RBMS3: variants seen among roughly 807,000 people sequenced by gnomAD.
RBMS3 encodes RNA binding motif single stranded interacting protein 3.
In RBMS3, 27 loss-of-function variants were observed where a neutral mutation model predicts 66.8. That is an observed-to-expected ratio of 0.40 (90% CI 0.30 to 0.56). The LOEUF (loss-of-function observed/expected upper bound fraction) is 0.56. RBMS3 is among the 20% of genes least tolerant of loss of function. The pLI is 0.40. For synonymous variants in RBMS3, 188 were observed against 183.0 expected (o/e 1.03, Z -0.22); for missense variants, 513 against 549.5 (o/e 0.93, Z 0.66).
rs988035686 is a variant in RBMS3, at chr3:29,424,389, T to C, written c.76-10354T>C. On this transcript the variant is annotated intron_variant, in intron 1 of 14. Transcript: ENST00000383767. ...TATTAAGTCACTGTAGAATTAGATA[T>C]AGGAGTACAGCCCAGGCGTTTCAGA... Among the ~76,000 whole-genome samples, 10 of 152,304 alleles carry C rather than the reference T, an allele frequency of 6.6e-5. No homozygotes were observed. In the East Asian group the frequency reaches 1.7e-3, roughly 26 times the overall value.
rs562929527 is a variant in RBMS3, at chr3:29,513,162, A to G, written c.307+24663A>G. ...CGGATTTTTATGTAACTTGTTAGAG[A>G]GCAGTCTGAACCTTAGAAAGGTGTT... On this transcript the variant is annotated intron_variant, in intron 3 of 14. Coordinates refer to ENST00000383767, the MANE Select transcript of RBMS3 (RefSeq NM_001003793.3). 2.0e-5 allele frequency among the ~76,000 whole-genome samples: 3 copies of G among 152,314 alleles called. No homozygotes were observed. In the South Asian group the frequency reaches 6.2e-4, roughly 32 times the overall value.
intron 4 of RBMS3, among the ~76,000 whole-genome samples, chr3:29,704,846 G>A (rs1193350315): frequency 6.6e-6 from 1 of 152,194 alleles, no homozygotes; most frequent in African/African-American, 2.4e-5. Context: ...AAAGTTGGTA[G>A]GGTTTACCCA....
chr3:29,340,766 T>G (rs1193129906), intron 1 of RBMS3, among the ~76,000 whole-genome samples: 1 of 152,180 alleles, frequency 6.6e-6, no homozygotes, highest in Non-Finnish European at 1.5e-5. Flanking sequence ...GCTTTTTCAG[T>G]TTGACAAGAT....
intron 1 of RBMS3, among the ~76,000 whole-genome samples, chr3:29,334,194 A>G (rs986569388): frequency 1.3e-5 from 2 of 152,172 alleles, no homozygotes. Context: ...TAGTTGTTGC[A>G]TTAGCCTTTT....
chr3:29,541,888 G>C (rs2045777387), intron 3 of RBMS3, among the ~76,000 whole-genome samples: 1 of 151,934 alleles, frequency 6.6e-6, no homozygotes, highest in Non-Finnish European at 1.5e-5. Context: ...TGGTGTACAT[G>C]CTTGCTCCTT....
intron 1 of RBMS3, among the ~76,000 whole-genome samples, chr3:29,371,287 A>G (rs992532480): frequency 5.3e-5 from 8 of 152,260 alleles, no homozygotes; most frequent in African/African-American, 1.7e-4. Context: ...GTACAAGCCA[A>G]TAAGTTTGAA....
chr3:29,970,109 A>G (rs1697126080), intron 12 of RBMS3, among the ~76,000 whole-genome samples: 1 of 152,184 alleles, frequency 6.6e-6, no homozygotes, highest in Non-Finnish European at 1.5e-5. Flanking sequence ...ATTGGTTTTC[A>G]GTAAAAATTG....
intron 6 of RBMS3, among the ~76,000 whole-genome samples, chr3:29,859,772 T>C (rs1348772645): frequency 6.6e-6 from 1 of 152,230 alleles, no homozygotes; most frequent in East Asian, 1.9e-4. Flanking sequence ...AATATAATAA[T>C]TCTGTGTTGT....
chr3:29,641,505 T>C (rs1287508333), intron 4 of RBMS3, among the ~76,000 whole-genome samples: 1 of 152,114 alleles, frequency 6.6e-6, no homozygotes, highest in Non-Finnish European at 1.5e-5. Flanking sequence ...AATGTACTGC[T>C]AAATTGCCTT....
At chr3:29,925,273 C>T (rs571713952) in intron 10 of RBMS3, 11 of 152,218 alleles carry the variant, frequency 7.2e-5, no homozygotes, top group East Asian at 5.8e-4. Flanking sequence ...CAAAATATTT[C>T]GCTGCTGTCT....
intron 3 of RBMS3, among the ~76,000 whole-genome samples, chr3:29,544,892 A>G (rs1285606475): frequency 6.6e-6 from 1 of 152,178 alleles, no homozygotes; most frequent in Admixed American, 6.5e-5. Context: ...TATATATGCT[A>G]ATAAAGGTGT....
At chr3:29,404,350 G>A (rs2039928269) in intron 1 of RBMS3, among the ~76,000 whole-genome samples, 1 of 152,036 alleles carries the variant, frequency 6.6e-6, no homozygotes, top group Admixed American at 6.6e-5. Flanking sequence ...AAAATGAAGT[G>A]AGAACATATT....
chr3:29,645,871 T>C lies in RBMS3; in HGVS notation c.399+58666T>C, dbSNP rs137897097. ...TGAATTACCACTGGGTCACTGGCCT[T>C]TATCACCCACCCATATAGATAGCCT... is the stretch of plus-strand genomic sequence containing the variant. On this transcript the variant is annotated intron_variant, in intron 4 of 14. Transcript: ENST00000383767. Among the ~76,000 whole-genome samples the C allele has an allele frequency of 9.8e-5, 15 of 152,338 alleles. 1 individual carries two copies. The highest frequency in any genetic ancestry group is 3.4e-4 in the African/African-American group (14 of 41,586).
At chr3:29,743,161 C>T (rs565604544) in intron 5 of RBMS3, among the ~76,000 whole-genome samples, 31 of 152,238 alleles carry the variant, frequency 2.0e-4, no homozygotes, top group Middle Eastern at 3.4e-3. Context: ...TTCCTACTTC[C>T]CTATAACATT....
intron 6 of RBMS3, among the ~76,000 whole-genome samples, chr3:29,773,052 G>A (rs1037305807): frequency 6.6e-6 from 1 of 151,892 alleles, no homozygotes; most frequent in Non-Finnish European, 1.5e-5. Flanking sequence ...TGTATCTCTT[G>A]GGTCTCAACC....
chr3:29,628,813 G>A (rs115284820), intron 4 of RBMS3, among the ~76,000 whole-genome samples: 143 of 152,170 alleles, frequency 9.4e-4, no homozygotes, highest in African/African-American at 2.8e-3. Context: ...CTCATAAAAA[G>A]GAAAGCATAA....
chr3:29,482,705 T>TTTTTC (rs1336745405), intron 2 of RBMS3, among the ~76,000 whole-genome samples: 51 of 96,186 alleles, frequency 5.3e-4, no homozygotes, highest in African/African-American at 2.9e-3. Context: ...TTCTTTCTTT[T>TTTTTC]TTTTTTTTTT....
intron 8 of RBMS3, 43 bp downstream of exon 8, chr3:29,884,251 T>C: frequency 6.6e-7 from 1 of 1,526,078 alleles, no homozygotes; most frequent in Non-Finnish European, 9.0e-7. Flanking sequence ...TGAATAGATC[T>C]TTGAGCTCTG....
intron 12 of RBMS3, among the ~76,000 whole-genome samples, chr3:29,953,878 C>A (rs574701269): frequency 1.3e-5 from 2 of 151,828 alleles, no homozygotes; most frequent in Non-Finnish European, 2.9e-5. Flanking sequence ...AGATCAGTAC[C>A]ACATTTTATC....
Sources: allele counts gnomAD v4.1 joint callset (sites outside exome capture counted in the v4.1 genomes callset), GRCh38; gene constraint gnomAD v4.1.1; transcripts MANE v1.5; gene names NCBI Gene and HGNC (gene_info 2026-07-23, HGNC 2026-07-21).